NWD2: variants seen among roughly 807,000 people sequenced by gnomAD.
NWD2 encodes NACHT and WD repeat domain-containing protein 2.
A neutral mutation model predicts 132.7 loss-of-function variants in NWD2; 37 were observed. That is an observed-to-expected ratio of 0.28 (90% CI 0.21 to 0.37). The LOEUF is 0.37. NWD2 is among the 10% of genes least tolerant of loss of function. The pLI is 1.00. For missense variants in NWD2, 1,592 were observed against 2,122.4 expected (o/e 0.75, Z 4.91); for synonymous variants, 705 against 803.0 (o/e 0.88, Z 2.06).
At chr4:37,281,141 A>G (rs1479943225) in intron 1 of NWD2, among the ~76,000 whole-genome samples, 2 of 152,142 alleles carry the variant, frequency 1.3e-5, no homozygotes, top group African/African-American at 4.8e-5. Context: ...GTTAAAAACA[A>G]CCACAACAAA....
intron 3 of NWD2, among the ~76,000 whole-genome samples, chr4:37,405,654 T>A (rs375503432): frequency 1.3e-5 from 2 of 152,310 alleles, no homozygotes; most frequent in East Asian, 3.9e-4. Context: ...TATAAAATGT[T>A]TTCCTTGCTG....
chr4:37,410,268 G>T (rs1721127488), intron 3 of NWD2, among the ~76,000 whole-genome samples: 1 of 152,132 alleles, frequency 6.6e-6, no homozygotes, highest in Non-Finnish European at 1.5e-5. Context: ...CATCTCACAT[G>T]CAAAGACACA....
intron 1 of NWD2, among the ~76,000 whole-genome samples, chr4:37,274,174 A>G (rs1004793361): frequency 6.6e-5 from 10 of 152,196 alleles, no homozygotes; most frequent in African/African-American, 2.4e-4. Context: ...CAAAATTGAT[A>G]GACCGCTAGC....
chr4:37,344,613 C>T (rs993409170), intron 2 of NWD2, among the ~76,000 whole-genome samples: 5 of 152,040 alleles, frequency 3.3e-5, no homozygotes, highest in East Asian at 1.9e-4. Flanking sequence ...AGCGCTGTTA[C>T]GACATTTTTT....
At chr4:37,282,714 A>G (rs1235802597) in intron 1 of NWD2, among the ~76,000 whole-genome samples, 1 of 152,156 alleles carries the variant, frequency 6.6e-6, no homozygotes, top group East Asian at 1.9e-4. Flanking sequence ...TTCTGGTTAC[A>G]CACATTTACC....
intron 1 of NWD2, among the ~76,000 whole-genome samples, chr4:37,312,637 A>G (rs1281155450): frequency 1.3e-5 from 2 of 150,766 alleles, no homozygotes; most frequent in Non-Finnish European, 2.9e-5. Context: ...CTTCTGCCTA[A>G]TTGCCCTGGC....
intron 3 of NWD2, among the ~76,000 whole-genome samples, chr4:37,394,360 G>C (rs943429650): frequency 1.3e-5 from 2 of 152,208 alleles, no homozygotes; most frequent in Non-Finnish European, 2.9e-5. Context: ...TGCCAGGATG[G>C]CTCAGAGCAG....
intron 3 of NWD2, among the ~76,000 whole-genome samples, chr4:37,381,926 T>C (rs781314939): frequency 3.3e-5 from 5 of 152,210 alleles, no homozygotes. Flanking sequence ...TTTTGTGGGA[T>C]AACATTTTTT....
chr4:37,332,513 A>C (rs1719315685), intron 2 of NWD2, among the ~76,000 whole-genome samples: 1 of 151,550 alleles, frequency 6.6e-6, no homozygotes, highest in African/African-American at 2.4e-5. Flanking sequence ...CTGACTAAAG[A>C]GCCATGATCT....
intron 3 of NWD2, among the ~76,000 whole-genome samples, chr4:37,414,238 A>T (rs2109320285): frequency 6.6e-6 from 1 of 152,326 alleles, no homozygotes; most frequent in South Asian, 2.1e-4. Flanking sequence ...TGATCAAATG[A>T]TAGGATTCTG....
At chr4:37,319,223 A>C (rs905419948) in intron 1 of NWD2, among the ~76,000 whole-genome samples, 5 of 151,874 alleles carry the variant, frequency 3.3e-5, no homozygotes, top group Non-Finnish European at 5.9e-5. Context: ...TTTCTTGGTG[A>C]CCAGTGATGT....
intron 2 of NWD2, among the ~76,000 whole-genome samples, chr4:37,342,550 G>A (rs1229457332): frequency 6.6e-6 from 1 of 152,186 alleles, no homozygotes; most frequent in Non-Finnish European, 1.5e-5. Context: ...CCTGGTTCAA[G>A]TTCCTTTATG....
intron 1 of NWD2, among the ~76,000 whole-genome samples, chr4:37,252,213 T>C (rs1717392181): frequency 6.6e-6 from 1 of 152,252 alleles, no homozygotes; most frequent in South Asian, 2.1e-4. Context: ...AGAAAGCTTT[T>C]ATCATTTTGA....
At chr4:37,348,544 C>T (rs1372775354) in intron 2 of NWD2, among the ~76,000 whole-genome samples, 2 of 147,408 alleles carry the variant, frequency 1.4e-5, no homozygotes, top group African/African-American at 2.5e-5. Context: ...GTGAAGCCAT[C>T]CCTTCTCACA....
At chr4:37,313,685 TTTGTTTGTTTGTTTG>T (rs1253922065) in intron 1 of NWD2, among the ~76,000 whole-genome samples, 1 of 150,360 alleles carries the variant, frequency 6.7e-6, no homozygotes, top group Non-Finnish European at 1.5e-5. Flanking sequence ...TGATGAGTTT[TTTGTTTGTTTGTTTG>T]TTGTTTGTTT....
chr4:37,378,223 T>C (rs17576087), intron 3 of NWD2, among the ~76,000 whole-genome samples: 21,178 of 152,202 alleles, frequency 0.14, 1,807 homozygotes, highest in South Asian at 0.21. Flanking sequence ...CTTCACAAAA[T>C]ATTAACTGGC....
At chr4:37,373,158 C>T (rs1720266146) in intron 3 of NWD2, among the ~76,000 whole-genome samples, 1 of 152,170 alleles carries the variant, frequency 6.6e-6, no homozygotes, top group South Asian at 2.1e-4. Flanking sequence ...CTCACAACAG[C>T]ACTAATAAGG....
chr4:37,356,481 T>C lies in NWD2; in HGVS notation c.356T>C (p.Val119Ala), dbSNP rs1476506915. The change falls in exon 3 of 7, where the codon GTT (valine) becomes GCT (alanine). Residue 119 changes from valine (V) to alanine (A), a missense_variant and splice_region_variant. Physicochemically the swap from Val to Ala is moderately conservative, Grantham distance 64 (BLOSUM62 0). Around this residue, in one of 7 missense-constraint regions of NWD2, gnomAD observed 144 missense variants for 185.7 expected, o/e 0.78. Transcript: ENST00000309447. ...CLKTSAGPCFVGLLGEKYGNI... is the reference protein window; with the variant it reads ...CLKTSAGPCFAGLLGEKYGNI... ...AAAACTTCTGCAGGTCCATGTTTTG[T>C]TGTGGGTATAAAAAAACTAATGCTT... The C allele has an allele frequency of 4.6e-6, 7 of 1,531,778 alleles. No individual in the cohort carries two copies. Among genetic ancestry groups the C allele is most frequent in the African/African-American group, 1.4e-5 (1 of 72,650 alleles). 94.9% of individuals were successfully genotyped at this position (1,531,778 alleles called of 1,614,324 possible).
At chr4:37,437,407 T>C (rs1993957) in intron 5 of NWD2, among the ~76,000 whole-genome samples, 150,580 of 152,284 alleles carry the variant, frequency 0.99, 74,470 homozygotes, top group Middle Eastern at 1. Context: ...ATGAACTAAT[T>C]ACCCAAACGC....
Sources: gnomAD v4.1 joint callset for allele counts (sites outside exome capture counted in the v4.1 genomes callset) on GRCh38, gnomAD v4.1.1 for gene constraint, gnomAD v4.1.1 regional missense constraint, MANE v1.5 for transcripts, NCBI Gene and HGNC (gene_info 2026-07-23, HGNC 2026-07-21) for gene names.